Variants in GRM7 observed in about 807,000 individuals in gnomAD.
The protein encoded by GRM7 is metabotropic glutamate receptor 7.
In GRM7, 35 loss-of-function variants were observed where a neutral mutation model predicts 84.5. The ratio of observed to expected loss-of-function variants is 0.41; its 90% CI spans 0.32 to 0.55. GRM7 has a LOEUF of 0.55. GRM7 is among the 20% of genes least tolerant of loss of function. GRM7 has a pLI of 0.19. For missense variants in GRM7, 1,003 were observed against 1,194.6 expected (o/e 0.84, Z 2.36); for synonymous variants, 487 against 455.1 (o/e 1.07, Z -0.89).
chr3:7,462,408 A>G (rs1698285280), intron 7 of GRM7, among the ~76,000 whole-genome samples: 1 of 152,222 alleles, frequency 6.6e-6, no homozygotes, highest in African/African-American at 2.4e-5. Flanking sequence ...TCTAATCCAG[A>G]AACCTCACAG....
intron 7 of GRM7, among the ~76,000 whole-genome samples, chr3:7,505,772 C>T (rs1700022553): frequency 1.3e-5 from 2 of 152,194 alleles, no homozygotes; most frequent in African/African-American, 2.4e-5. Context: ...TTGCCAGCTG[C>T]CCAACCCCTT....
chr3:6,871,128 G>A (rs464628), intron 1 of GRM7, among the ~76,000 whole-genome samples: 77,851 of 151,928 alleles, frequency 0.51, 20,231 homozygotes, highest in South Asian at 0.63. Flanking sequence ...GAACAAAACA[G>A]TATCTCATTA....
In GRM7 at chr3:7,553,061, C is replaced by T. The variant is rs776459793; in HGVS notation, c.1516-25361C>T. On this transcript the variant is annotated intron_variant, in intron 7 of 9. Coordinates refer to ENST00000357716, the MANE Select transcript of GRM7 (RefSeq NM_000844.4). The stretch of plus-strand genomic sequence containing the variant: ...GCATAGAACCAAATGCTTTGAAGCG[C>T]ACCCAAGTCACGTCTTGAATGCTTT... Among the ~76,000 whole-genome samples, 3 of 152,304 alleles carry T rather than the reference C, an allele frequency of 2.0e-5. No homozygotes were observed. In the South Asian group the frequency reaches 6.2e-4, roughly 32 times the overall value.
At chr3:7,401,403 G>A (rs1695443436) in intron 4 of GRM7, among the ~76,000 whole-genome samples, 1 of 152,074 alleles carries the variant, frequency 6.6e-6, no homozygotes, top group South Asian at 2.1e-4. Flanking sequence ...TCCAAGGCAA[G>A]ACCATATTTA....
intron 7 of GRM7, among the ~76,000 whole-genome samples, chr3:7,485,227 G>T (rs1699276489): frequency 6.6e-6 from 1 of 152,200 alleles, no homozygotes; most frequent in Non-Finnish European, 1.5e-5. Context: ...AGTGCTTGTT[G>T]AGTCACTATG....
At chr3:7,112,571 T>C (rs1311569055) in intron 1 of GRM7, among the ~76,000 whole-genome samples, 1 of 152,074 alleles carries the variant, frequency 6.6e-6, no homozygotes, top group East Asian at 1.9e-4. Context: ...ATCTCTGACT[T>C]TGAGAATTAT....
chr3:6,948,540 G>T (rs576646166), intron 1 of GRM7, among the ~76,000 whole-genome samples: 158 of 152,252 alleles, frequency 1.0e-3, no homozygotes, highest in African/African-American at 3.6e-3. Flanking sequence ...TGTTGATTTG[G>T]GGTGGAGAGT....
At chr3:6,994,032 T>C (rs1694742102) in intron 1 of GRM7, among the ~76,000 whole-genome samples, 1 of 152,124 alleles carries the variant, frequency 6.6e-6, no homozygotes, top group African/African-American at 2.4e-5. Flanking sequence ...GATAATTGAT[T>C]TATTAGTGGA....
intron 1 of GRM7, among the ~76,000 whole-genome samples, chr3:7,088,220 C>G (rs1261144451): frequency 6.6e-6 from 1 of 152,146 alleles, no homozygotes. Context: ...TGAACTGTCC[C>G]ACAGAGGACA....
intron 1 of GRM7, among the ~76,000 whole-genome samples, chr3:6,985,773 G>A (rs1019725734): frequency 4.6e-5 from 7 of 152,162 alleles, no homozygotes; most frequent in Admixed American, 1.3e-4. Flanking sequence ...GAACAAAAAC[G>A]TGTTATTAAA....
intron 8 of GRM7, among the ~76,000 whole-genome samples, chr3:7,581,987 A>C (rs147923428): frequency 1.1e-4 from 16 of 152,240 alleles, no homozygotes; most frequent in Admixed American, 9.8e-4. Context: ...GCATCTTGCC[A>C]TGTGGCCAGG....
chr3:7,732,739 C>T (rs945164825), intron 9 of GRM7, among the ~76,000 whole-genome samples: 1 of 152,184 alleles, frequency 6.6e-6, no homozygotes. Context: ...TACTGAACCA[C>T]ACTGGTACTG....
At chr3:7,292,895 G>A (rs767264242) in intron 2 of GRM7, among the ~76,000 whole-genome samples, 9 of 151,744 alleles carry the variant, frequency 5.9e-5, no homozygotes, top group South Asian at 2.1e-4. Flanking sequence ...TTAGCCGGGC[G>A]TGGTGGTGTG....
At position 6,976,656 on chromosome 3, in the gene GRM7, C is replaced by G. The variant is rs558583504; in HGVS notation, c.519+114749C>G. On this transcript the variant is annotated intron_variant, in intron 1 of 9. Transcript: ENST00000357716. ...ATAGGAGCCTCCATCATGCTCACCA[C>G]CTATTGTCTATTTACAGCCTAACTG... 2.6e-5 allele frequency among the ~76,000 whole-genome samples: 4 copies of G among 152,222 alleles called. No homozygotes were observed. In the South Asian group the frequency reaches 8.3e-4, roughly 32 times the overall value.
rs1338045923 is a variant in GRM7, at chr3:6,862,658, T to A, written c.519+751T>A. 4.1e-6 allele frequency: 1 copy of A among 244,272 alleles called. No individual in the cohort carries two copies. The allele number at this position is 244,272 out of a possible 1,614,324, so 15.1% of individuals were successfully genotyped here. A position where few individuals can be genotyped will look rare whatever the true frequency, so the allele number is the denominator to read the frequency against. Reference sequence around the variant, plus strand: ...GCGATCAGCTTTCCACTCCTGCCACTTCAGACCTCAGCCCAGGGATGAGCT... The same window carrying A: ...GCGATCAGCTTTCCACTCCTGCCACATCAGACCTCAGCCCAGGGATGAGCT... On this transcript the variant is annotated intron_variant, in intron 1 of 9. Coordinates refer to ENST00000357716, the MANE Select transcript of GRM7 (RefSeq NM_000844.4). The surrounding 1 kb of genome is among the most constrained non-coding windows in gnomAD (Gnocchi z 5.2).
intron 5 of GRM7, among the ~76,000 whole-genome samples, chr3:7,421,073 T>A (rs988004693): frequency 3.3e-5 from 5 of 152,198 alleles, no homozygotes; most frequent in African/African-American, 1.2e-4. Flanking sequence ...AAAATAGACT[T>A]TAGTGTAACA....
chr3:7,177,208 T>C (rs1386852589), intron 2 of GRM7, among the ~76,000 whole-genome samples: 1 of 152,220 alleles, frequency 6.6e-6, no homozygotes, highest in Non-Finnish European at 1.5e-5. Context: ...CCAAAATGCA[T>C]AGCCTTTAAG....
chr3:7,530,072 C>T (rs1700973422), intron 7 of GRM7, among the ~76,000 whole-genome samples: 1 of 151,706 alleles, frequency 6.6e-6, no homozygotes, highest in South Asian at 2.1e-4. Flanking sequence ...GGTATTTCTC[C>T]TAATGCTATC....
chr3:7,257,548 C>T (rs754484161), intron 2 of GRM7, among the ~76,000 whole-genome samples: 45 of 152,156 alleles, frequency 3.0e-4, no homozygotes, highest in Admixed American at 1.0e-3. Flanking sequence ...CACAAGTATA[C>T]TGTAAGGGCA....
Sources: gnomAD v4.1 joint callset for allele counts (sites outside exome capture counted in the v4.1 genomes callset) on GRCh38, gnomAD v4.1.1 for gene constraint, Gnocchi (gnomAD v3.1) non-coding constraint, MANE v1.5 for transcripts, NCBI Gene and HGNC (gene_info 2026-07-23, HGNC 2026-07-21) for gene names.